RORA: variants seen among roughly 807,000 people sequenced by gnomAD.
RORA encodes nuclear receptor ROR-alpha.
Under a neutral mutation model 69.5 loss-of-function variants are expected in RORA, and 7 were observed. The observed-to-expected ratio is 0.10, with a 90% CI of 0.06 to 0.19. The LOEUF (loss-of-function observed/expected upper bound fraction) is 0.19. Among genes scored for constraint, RORA ranks in the 10% least tolerant of loss-of-function variants. The probability of loss-of-function intolerance (pLI) is 1.00; values close to 1 mark genes in which losing one functional copy is unlikely to be tolerated. For missense variants in RORA, 457 were observed against 663.0 expected (o/e 0.69, Z 3.41); for synonymous variants, 261 against 240.8 (o/e 1.08, Z -0.78).
At chr15:60,571,460 A>G (rs2067878635) in intron 2 of RORA, among the ~76,000 whole-genome samples, 1 of 152,156 alleles carries the variant, frequency 6.6e-6, no homozygotes. Flanking sequence ...GGCCAATTAA[A>G]CCTTTTGATA....
intron 1 of RORA, among the ~76,000 whole-genome samples, chr15:60,930,411 G>A (rs1042950265): frequency 6.6e-6 from 1 of 152,142 alleles, no homozygotes; most frequent in East Asian, 1.9e-4. Context: ...CTTCCATGTG[G>A]GACGGTGGGA....
intron 2 of RORA, among the ~76,000 whole-genome samples, chr15:60,574,086 G>C (rs150674610): frequency 9.7e-4 from 147 of 152,292 alleles, no homozygotes; most frequent in African/African-American, 3.3e-3. Flanking sequence ...GTGAGTTTCT[G>C]AGACTCCGGT....
chr15:60,799,604 C>A (rs1479150614), intron 1 of RORA, among the ~76,000 whole-genome samples: 1 of 151,962 alleles, frequency 6.6e-6, no homozygotes, highest in African/African-American at 2.4e-5. Context: ...GGAGATGAGT[C>A]ACTAAGGTAA....
chr15:60,818,188 T>G (rs1296297351), intron 1 of RORA, among the ~76,000 whole-genome samples: 2 of 152,140 alleles, frequency 1.3e-5, no homozygotes, highest in African/African-American at 4.8e-5. Flanking sequence ...CTATTTAGGT[T>G]GGTGCAAAAG....
intron 1 of RORA, among the ~76,000 whole-genome samples, chr15:61,170,358 G>A (rs1479437298): frequency 6.6e-6 from 1 of 152,188 alleles, no homozygotes; most frequent in Non-Finnish European, 1.5e-5. Context: ...AGCCAGCAGT[G>A]TAGCGTCTTC....
intron 2 of RORA, among the ~76,000 whole-genome samples, chr15:60,642,913 T>G (rs1014347199): frequency 6.6e-6 from 1 of 151,758 alleles, no homozygotes; most frequent in African/African-American, 2.4e-5. Context: ...TGGCAGCCAT[T>G]TGGGAGGTTG....
intron 1 of RORA, among the ~76,000 whole-genome samples, chr15:60,861,969 G>A (rs1026291601): frequency 1.3e-5 from 2 of 152,224 alleles, no homozygotes; most frequent in Non-Finnish European, 1.5e-5. Context: ...TCAGTTTTAG[G>A]ATGCAAGGAA....
intron 2 of RORA, among the ~76,000 whole-genome samples, chr15:60,640,728 A>T (rs1422960908): frequency 6.6e-6 from 1 of 151,898 alleles, no homozygotes; most frequent in African/African-American, 2.4e-5. Flanking sequence ...GGCTTGGAAG[A>T]TGCTTCTTCT....
At chr15:60,632,198 C>T (rs11639055) in intron 2 of RORA, among the ~76,000 whole-genome samples, 36,662 of 151,582 alleles carry the variant, frequency 0.24, 4,959 homozygotes, top group Middle Eastern at 0.32. Context: ...CTCCACCTCC[C>T]GGATTCACGC....
At chr15:60,821,429 C>A (rs1011116306) in intron 1 of RORA, among the ~76,000 whole-genome samples, 1 of 152,186 alleles carries the variant, frequency 6.6e-6, no homozygotes, top group African/African-American at 2.4e-5. Context: ...GTAGGGCTCG[C>A]ATTAAGAGCC....
intron 1 of RORA, among the ~76,000 whole-genome samples, chr15:60,774,953 C>T (rs2072139778): frequency 6.6e-6 from 1 of 152,154 alleles, no homozygotes; most frequent in Admixed American, 6.5e-5. Context: ...TCCTCAACTT[C>T]CTTTGTGACT....
At chr15:60,838,873 CACACACACACACACAT>C (rs1567209301) in intron 1 of RORA, among the ~76,000 whole-genome samples, 7 of 78,112 alleles carry the variant, frequency 9.0e-5, no homozygotes, top group Non-Finnish European at 1.3e-4. Flanking sequence ...CACACACACA[CACACACACACACACAT>C]ATACTTTTTT....
At chr15:61,084,641 G>A (rs536420406) in intron 1 of RORA, among the ~76,000 whole-genome samples, 1 of 152,242 alleles carries the variant, frequency 6.6e-6, no homozygotes, top group East Asian at 1.9e-4. Context: ...AGTGTTCTCA[G>A]TAACAGATGC....
intron 1 of RORA, among the ~76,000 whole-genome samples, chr15:61,059,598 T>A (rs918932027): frequency 6.6e-6 from 1 of 152,210 alleles, no homozygotes; most frequent in Admixed American, 6.5e-5. Context: ...TTGCCATTTC[T>A]ATCAACAGAA....
chr15:61,009,514 T>C (rs375279118), intron 1 of RORA, among the ~76,000 whole-genome samples: 1 of 152,224 alleles, frequency 6.6e-6, no homozygotes, highest in Non-Finnish European at 1.5e-5. Context: ...ACATGGGGCA[T>C]AGACTGTCTA....
chr15:60,978,918 A>G (rs774450877), intron 1 of RORA, among the ~76,000 whole-genome samples: 10 of 150,030 alleles, frequency 6.7e-5, no homozygotes, highest in Non-Finnish European at 1.3e-4. Flanking sequence ...GTGGCTTTGT[A>G]ATAAGTTTTG....
intron 1 of RORA, among the ~76,000 whole-genome samples, chr15:61,078,329 C>G (rs1183233562): frequency 3.0e-5 from 4 of 133,254 alleles, no homozygotes; most frequent in Non-Finnish European, 3.2e-5. Flanking sequence ...ACACCTGGCT[C>G]TGTGTGTGTG....
At chr15:60,942,010 G>A (rs1252542913) in intron 1 of RORA, among the ~76,000 whole-genome samples, 1 of 152,126 alleles carries the variant, frequency 6.6e-6, no homozygotes, top group African/African-American at 2.4e-5. Context: ...AAGTCTTCAA[G>A]CAAACTCACC....
intron 2 of RORA, among the ~76,000 whole-genome samples, chr15:60,652,084 G>T (rs1307419404): frequency 1.0e-4 from 15 of 150,716 alleles, no homozygotes; most frequent in Admixed American, 9.9e-4. Flanking sequence ...CCTGTTAGGT[G>T]TCCTCTGTGC....
Sources: gnomAD v4.1 joint callset for allele counts (sites outside exome capture counted in the v4.1 genomes callset) on GRCh38, gnomAD v4.1.1 for gene constraint, MANE v1.5 for transcripts, NCBI Gene and HGNC (gene_info 2026-07-23, HGNC 2026-07-21) for gene names.